The following SUPT3H variants were observed in gnomAD, a reference collection of about 807,000 sequenced individuals.
SUPT3H encodes transcription initiation protein SPT3 homolog.
A neutral mutation model predicts 44.3 loss-of-function variants in SUPT3H; 44 were observed. The observed-to-expected ratio is 0.99, with a 90% CI of 0.78 to 1.28. The LOEUF (loss-of-function observed/expected upper bound fraction) is 1.28. Among genes scored for constraint, SUPT3H ranks in the 50% most tolerant of loss-of-function variants. SUPT3H has a pLI of 0.00. For synonymous variants in SUPT3H, 124 were observed against 125.6 expected (o/e 0.99, Z 0.09); for missense variants, 380 against 387.1 (o/e 0.98, Z 0.15).
In SUPT3H at chr6:44,891,806, A is replaced by G. The variant is rs147751726; in HGVS notation, c.912+40847T>C. 2.5e-3 allele frequency among the ~76,000 whole-genome samples: 382 copies of G among 152,180 alleles called. 8 individuals carry two copies. In the East Asian group the frequency reaches 0.066, roughly 26 times the overall value. ...AAATAAAAGATTCATTCCAGGAAAA[A>G]AAAGATGGTTGATGGAGAATGGACA... is the stretch of plus-strand genomic sequence containing the variant. On this transcript the variant is annotated intron_variant, in intron 10 of 10. Coordinates refer to ENST00000371459, the MANE Select transcript of SUPT3H (RefSeq NM_003599.4).
At chr6:45,325,969 A>T (rs1391619798) in intron 2 of SUPT3H, among the ~76,000 whole-genome samples, 1 of 151,932 alleles carries the variant, frequency 6.6e-6, no homozygotes, top group Admixed American at 6.6e-5. Flanking sequence ...TCCTGCTAGA[A>T]TTTGATAGGC....
intron 6 of SUPT3H, among the ~76,000 whole-genome samples, chr6:44,978,678 C>T (rs1213587285): frequency 6.6e-6 from 1 of 152,120 alleles, no homozygotes; most frequent in Non-Finnish European, 1.5e-5. Flanking sequence ...GGTCATCCTT[C>T]CTTTCTATTC....
At chr6:44,903,939 A>G (rs1445584295) in intron 10 of SUPT3H, among the ~76,000 whole-genome samples, 6 of 152,202 alleles carry the variant, frequency 3.9e-5, no homozygotes, top group African/African-American at 1.4e-4. Context: ...AACCATGATT[A>G]TCTCAATAGA....
At chr6:44,988,738 G>A (rs577529003) in intron 6 of SUPT3H, among the ~76,000 whole-genome samples, 2 of 152,092 alleles carry the variant, frequency 1.3e-5, no homozygotes, top group East Asian at 3.9e-4. Flanking sequence ...TTTTTAACAT[G>A]TATTTGATAG....
chr6:44,889,013 A>G (rs1306995210), intron 10 of SUPT3H, among the ~76,000 whole-genome samples: 2 of 146,570 alleles, frequency 1.4e-5, no homozygotes, highest in African/African-American at 2.5e-5. Context: ...ACTCCCATGC[A>G]CAATTGCTTC....
intron 2 of SUPT3H, among the ~76,000 whole-genome samples, chr6:45,354,983 GT>G (rs922610137): frequency 2.0e-5 from 3 of 151,750 alleles, no homozygotes; most frequent in Non-Finnish European, 2.9e-5. Context: ...GCACTTTGAG[GT>G]TTTTTTTGGA....
intron 2 of SUPT3H, among the ~76,000 whole-genome samples, chr6:45,244,688 G>A (rs916608323): frequency 6.6e-6 from 1 of 152,100 alleles, no homozygotes; most frequent in East Asian, 1.9e-4. Flanking sequence ...CTCATTACCT[G>A]TTGCTATTAC....
intron 2 of SUPT3H, among the ~76,000 whole-genome samples, chr6:45,229,603 C>T (rs965688775): frequency 1.3e-5 from 2 of 152,010 alleles, no homozygotes; most frequent in Admixed American, 1.3e-4. Flanking sequence ...AACTGAGGCC[C>T]AAAGATAACA....
intron 10 of SUPT3H, among the ~76,000 whole-genome samples, chr6:44,914,122 G>A (rs1006427021): frequency 2.6e-5 from 4 of 152,114 alleles, no homozygotes; most frequent in African/African-American, 9.7e-5. Flanking sequence ...GGAACAAATA[G>A]GTAGACAGAA....
chr6:45,328,452 A>G (rs1402169904), intron 2 of SUPT3H: 2 of 1,469,812 alleles, frequency 1.4e-6, no homozygotes, highest in Admixed American at 1.8e-5. Context: ...ACCGAGACCA[A>G]CAGAGTCAGT....
intron 2 of SUPT3H, among the ~76,000 whole-genome samples, chr6:45,106,543 TTTA>T (rs1799310008): frequency 1.3e-5 from 2 of 151,880 alleles, no homozygotes; most frequent in Non-Finnish European, 2.9e-5. Flanking sequence ...TTTTATTTTT[TTTA>T]TTTTTTTTGA....
At chr6:45,048,508 C>A (rs1002978393) in intron 3 of SUPT3H, among the ~76,000 whole-genome samples, 8 of 152,042 alleles carry the variant, frequency 5.3e-5, no homozygotes, top group Admixed American at 1.3e-4. Context: ...CCATTTAAAA[C>A]AGAACTACCA....
chr6:45,041,530 A>G (rs1188299296), intron 3 of SUPT3H, among the ~76,000 whole-genome samples: 1 of 152,240 alleles, frequency 6.6e-6, no homozygotes, highest in Non-Finnish European at 1.5e-5. Flanking sequence ...GCAGTTGCCA[A>G]CTGATGCAGG....
rs184919065 is a variant in SUPT3H at position 45,142,660 on chromosome 6, T to C, written c.102-36654A>G. Among the ~76,000 whole-genome samples the C allele has an allele frequency of 6.0e-5, 8 of 132,830 alleles. No individual in the cohort carries two copies. In the Admixed American group the frequency reaches 7.4e-4, roughly 12 times the overall value. The allele number at this position is 132,830 out of a possible 152,430, so 87.1% of individuals were successfully genotyped here. On this transcript the variant is annotated intron_variant, in intron 2 of 10. Coordinates refer to ENST00000371459, the MANE Select transcript of SUPT3H (RefSeq NM_003599.4). ...CTGAAGCAGGAGAATCGCTTGATCC[T>C]GGGAGGCGGAAGTTGCAGTGAGCAG... is the stretch of plus-strand genomic sequence containing the variant.
At chr6:45,318,692 G>A (rs908771045) in intron 2 of SUPT3H, among the ~76,000 whole-genome samples, 4 of 152,000 alleles carry the variant, frequency 2.6e-5, no homozygotes, top group Non-Finnish European at 5.9e-5. Context: ...CCAACCAGTT[G>A]TATTGAATAA....
At chr6:44,928,612 A>G (rs536533877) in intron 10 of SUPT3H, among the ~76,000 whole-genome samples, 5 of 152,076 alleles carry the variant, frequency 3.3e-5, no homozygotes, top group African/African-American at 1.2e-4. Flanking sequence ...AAAAGAAACA[A>G]GGGCCGGGCG....
At chr6:44,903,066 C>A (rs984510306) in intron 10 of SUPT3H, among the ~76,000 whole-genome samples, 2 of 151,994 alleles carry the variant, frequency 1.3e-5, no homozygotes, top group African/African-American at 2.4e-5. Context: ...TAAATGCCCA[C>A]AAGAGAAAGC....
At chr6:45,057,569 C>T (rs115251704) in intron 3 of SUPT3H, among the ~76,000 whole-genome samples, 116 of 152,170 alleles carry the variant, frequency 7.6e-4, no homozygotes, top group African/African-American at 2.8e-3. Flanking sequence ...TAGGCTTCTA[C>T]CTTGAGGAGG....
chr6:45,287,428 A>T (rs1779506255), intron 2 of SUPT3H, among the ~76,000 whole-genome samples: 1 of 152,172 alleles, frequency 6.6e-6, no homozygotes, highest in African/African-American at 2.4e-5. Context: ...TAGCCTTAAA[A>T]AGAAAGGAAA....
Sources: allele counts gnomAD v4.1 joint callset (sites outside exome capture counted in the v4.1 genomes callset), GRCh38; gene constraint gnomAD v4.1.1; transcripts MANE v1.5; gene names NCBI Gene and HGNC (gene_info 2026-07-23, HGNC 2026-07-21).